Variants in SEMA3E observed in about 807,000 individuals in gnomAD.
SEMA3E encodes semaphorin 3E, also known as semaphorin-3E.
A neutral mutation model predicts 93.6 loss-of-function variants in SEMA3E; 49 were observed. That is an observed-to-expected ratio of 0.52 (90% CI 0.42 to 0.66). SEMA3E has a LOEUF of 0.66. SEMA3E is among the 30% of genes least tolerant of loss of function. The pLI is 0.00. For synonymous variants in SEMA3E, 363 were observed against 330.7 expected (o/e 1.10, Z -1.06); for missense variants, 906 against 964.8 (o/e 0.94, Z 0.81).
chr7:83,607,906 A>T (rs1793160564), intron 1 of SEMA3E, among the ~76,000 whole-genome samples: 1 of 152,128 alleles, frequency 6.6e-6, no homozygotes, highest in Non-Finnish European at 1.5e-5. Flanking sequence ...GTATAACCAG[A>T]TTGGAATTTT....
chr7:83,395,072 G>GT (rs985964455), intron 12 of SEMA3E, among the ~76,000 whole-genome samples: 6 of 152,102 alleles, frequency 3.9e-5, no homozygotes, highest in Non-Finnish European at 5.9e-5. Context: ...CTATGTCAGT[G>GT]TTTTTTTATT....
chr7:83,425,739 C>T (rs1260343799), intron 4 of SEMA3E, among the ~76,000 whole-genome samples: 1 of 152,032 alleles, frequency 6.6e-6, no homozygotes, highest in African/African-American at 2.4e-5. Context: ...GGGACCTAAA[C>T]AAGTCGGACC....
At chr7:83,372,054 A>T (rs1371482297) in intron 16 of SEMA3E, 1 of 383,694 alleles carries the variant, frequency 2.6e-6, no homozygotes, top group Non-Finnish European at 4.6e-6. Context: ...TTATCCTATA[A>T]TGAGTAAAGA....
In SEMA3E at chr7:83,367,802, C is replaced by G; in HGVS notation, c.2112G>C (p.Gln704His). 1 of 1,614,096 alleles carries G rather than the reference C, an allele frequency of 6.2e-7. No individual in the cohort carries two copies. The change falls in exon 17 of 17, where the codon CAG becomes CAC. Residue 704 changes from glutamine to histidine, a missense_variant. Physicochemically the swap from Gln to His is conservative, Grantham distance 24. Coordinates refer to ENST00000643230, the MANE Select transcript of SEMA3E (RefSeq NM_012431.3). ...MPCPAQSSIS[Q>H]GAKPWYKEFL... is the part of the protein sequence containing the mutation. Reference sequence around the variant, plus strand: ...ATTCCTTGTACCATGGTTTTGCTCCCTGCGAGATGCTACTCTGAGCAGGAC... The same window carrying G: ...ATTCCTTGTACCATGGTTTTGCTCCGTGCGAGATGCTACTCTGAGCAGGAC...
chr7:83,479,046 C>T (rs1190873027), intron 2 of SEMA3E, among the ~76,000 whole-genome samples: 3 of 152,164 alleles, frequency 2.0e-5, no homozygotes, highest in Admixed American at 6.5e-5. Context: ...TAGAAGATTC[C>T]GTTTCAACAG....
chr7:83,539,458 T>C (rs531550616), intron 1 of SEMA3E, among the ~76,000 whole-genome samples: 13 of 152,244 alleles, frequency 8.5e-5, no homozygotes, highest in Middle Eastern at 3.4e-3. Context: ...AGAGCGCCAA[T>C]TTGTCCCAAT....
intron 14 of SEMA3E, among the ~76,000 whole-genome samples, chr7:83,387,882 A>T (rs1285340490): frequency 2.1e-5 from 3 of 142,822 alleles, no homozygotes; most frequent in South Asian, 4.3e-4. Flanking sequence ...ATATATGTTT[A>T]TATATATATA....
chr7:83,547,279 A>G (rs1791672494), intron 1 of SEMA3E, among the ~76,000 whole-genome samples: 1 of 152,136 alleles, frequency 6.6e-6, no homozygotes, highest in South Asian at 2.1e-4. Flanking sequence ...ATCACAGTTG[A>G]TGGGACTTCA....
At chr7:83,382,207 C>T (rs1019515256) in intron 16 of SEMA3E, among the ~76,000 whole-genome samples, 5 of 152,106 alleles carry the variant, frequency 3.3e-5, no homozygotes, top group African/African-American at 1.2e-4. Context: ...TTTGAACCTA[C>T]TTTACTGGCT....
At chr7:83,401,437 A>G (rs1011213671) in intron 10 of SEMA3E, among the ~76,000 whole-genome samples, 2 of 152,018 alleles carry the variant, frequency 1.3e-5, no homozygotes, top group Non-Finnish European at 2.9e-5. Context: ...GTGTACTTTC[A>G]TGATATATAA....
At chr7:83,473,206 A>G (rs1020846358) in intron 2 of SEMA3E, among the ~76,000 whole-genome samples, 19 of 152,188 alleles carry the variant, frequency 1.2e-4, no homozygotes, top group African/African-American at 4.6e-4. Flanking sequence ...GGGCCTCTCA[A>G]GATATCATTA....
chr7:83,371,924 C>T (rs969384489), intron 16 of SEMA3E: 1 of 197,020 alleles, frequency 5.1e-6, no homozygotes. Context: ...ATACCATTTA[C>T]ATTTGTAGCA....
chr7:83,562,155 A>T (rs1792042460), intron 1 of SEMA3E, among the ~76,000 whole-genome samples: 1 of 152,158 alleles, frequency 6.6e-6, no homozygotes, highest in South Asian at 2.1e-4. Context: ...CTATTTTTTT[A>T]AATCTAAAAG....
At chr7:83,396,951 G>A (rs1307567273) in intron 11 of SEMA3E, among the ~76,000 whole-genome samples, 1 of 151,736 alleles carries the variant, frequency 6.6e-6, no homozygotes, top group Admixed American at 6.6e-5. Context: ...GCATGGTGGT[G>A]GGCACCTGTA....
chr7:83,424,411 G>A (rs559632485), intron 4 of SEMA3E, among the ~76,000 whole-genome samples: 66 of 152,102 alleles, frequency 4.3e-4, no homozygotes, highest in Non-Finnish European at 8.1e-4. Context: ...ATACCACAGA[G>A]AGCTCCATTT....
chr7:83,605,518 C>T (rs1005629853), intron 1 of SEMA3E, among the ~76,000 whole-genome samples: 1 of 151,926 alleles, frequency 6.6e-6, no homozygotes, highest in Admixed American at 6.6e-5. Context: ...GCAAACTCCA[C>T]CTCCCAGGAT....
At chr7:83,471,188 T>G (rs1307579038) in intron 2 of SEMA3E, among the ~76,000 whole-genome samples, 3 of 152,134 alleles carry the variant, frequency 2.0e-5, no homozygotes, top group African/African-American at 7.2e-5. Context: ...GTTTGGTATT[T>G]TTATGCAGCA....
In SEMA3E at chr7:83,408,252, T is replaced by C. The variant is rs891601405; in HGVS notation, c.670+116A>G. On this transcript the variant is annotated intron_variant, in intron 6 of 16. Transcript: ENST00000643230. ...CAAGAATGTTGCTAGTAAAACATTC[T>C]GAAATTTGTAAAGGAATTGTATTTA... 3.3e-6 allele frequency: 4 copies of C among 1,212,088 alleles called. No homozygotes were observed. The African/African-American group carries it at 4.5e-5, about 14-fold the overall frequency. 75.1% of individuals were successfully genotyped at this position (1,212,088 alleles called of 1,614,324 possible). A position where few individuals can be genotyped will look rare whatever the true frequency, so the allele number is the denominator to read the frequency against.
chr7:83,418,573 T>G (rs1788606027), intron 4 of SEMA3E, 90 bp from the exon 5 acceptor site: 1 of 891,906 alleles, frequency 1.1e-6, no homozygotes, highest in Non-Finnish European at 1.8e-6. Context: ...CTTCGATTAT[T>G]TATAAAGCAT....
Sources: allele counts gnomAD v4.1 joint callset (sites outside exome capture counted in the v4.1 genomes callset), GRCh38; gene constraint gnomAD v4.1.1; transcripts MANE v1.5; gene names NCBI Gene and HGNC (gene_info 2026-07-23, HGNC 2026-07-21).